Variants in ABCA12 observed in about 807,000 individuals in gnomAD.
The protein encoded by ABCA12 is glucosylceramide transporter ABCA12.
In ABCA12, 156 loss-of-function variants were observed where a neutral mutation model predicts 293.5. The observed-to-expected ratio is 0.53, with a 90% CI of 0.47 to 0.61. ABCA12 has a LOEUF of 0.61. Ranked by LOEUF, ABCA12 falls within the 20% of genes least tolerant of loss-of-function variation. The pLI is 0.00. For synonymous variants in ABCA12, 1,063 were observed against 1,108.0 expected, an observed-to-expected ratio of 0.96 and a Z score of 0.81; for missense variants, 2,797 against 3,090.2, an observed-to-expected ratio of 0.91 and a Z score of 2.25.
chr2:215,012,108 G>T lies in ABCA12; in HGVS notation c.1984C>A (p.Pro662Thr). Residue 662 changes from proline (P) to threonine (T), a missense_variant, in exon 16 of 53, where the codon CCA becomes ACA. Physicochemically the swap from Pro to Thr is conservative, Grantham distance 38. Transcript: ENST00000272895. ...AAGAGCTCCATCATCTTTTCTACTG[G>T]CTTTTGATCTTTCCTCGGGAAAAAC... ...KVFFPRKDQKPVEKMMELFIR... is the reference protein window; with the variant it reads ...KVFFPRKDQKTVEKMMELFIR... The T allele has an allele frequency of 6.2e-7, 1 of 1,613,728 alleles. No individual in the cohort carries two copies. The highest frequency in any genetic ancestry group is 8.5e-7 in the Non-Finnish European group (1 of 1,179,838).
intron 50 of ABCA12, 112 bp from the exon 51 acceptor site, chr2:214,937,727 T>A (rs1698264905): frequency 2.7e-6 from 2 of 752,846 alleles, no homozygotes; most frequent in East Asian, 5.6e-5. Flanking sequence ...CACCTTTTCT[T>A]TATATGAAGA....
At chr2:215,100,183 T>C (rs1182156901) in intron 2 of ABCA12, among the ~76,000 whole-genome samples, 1 of 151,978 alleles carries the variant, frequency 6.6e-6, no homozygotes, top group African/African-American at 2.4e-5. Context: ...TGTGACTAAT[T>C]TTTTATTTTT....
At chr2:215,024,870 A>G (rs1420118363) in intron 11 of ABCA12, among the ~76,000 whole-genome samples, 1 of 152,190 alleles carries the variant, frequency 6.6e-6, no homozygotes, top group Non-Finnish European at 1.5e-5. Flanking sequence ...CCTGTATACT[A>G]TATGCATGAG....
At chr2:215,076,407 T>A (rs1256681167) in intron 2 of ABCA12, among the ~76,000 whole-genome samples, 1 of 152,198 alleles carries the variant, frequency 6.6e-6, no homozygotes. Flanking sequence ...TTGCTTTTTC[T>A]AAGAAAAAGT....
intron 1 of ABCA12, among the ~76,000 whole-genome samples, chr2:215,112,462 T>C (rs1702592817): frequency 1.3e-5 from 2 of 150,490 alleles, no homozygotes; most frequent in African/African-American, 4.9e-5. Flanking sequence ...ACATACTGCA[T>C]TGAAATTTCT....
intron 1 of ABCA12, among the ~76,000 whole-genome samples, chr2:215,126,640 T>G (rs1353477471): frequency 2.0e-5 from 3 of 152,132 alleles, no homozygotes; most frequent in Non-Finnish European, 4.4e-5. Context: ...TGGTGTCAGT[T>G]GTATTATCTC....
chr2:215,116,188 T>A (rs1702682560), intron 1 of ABCA12, among the ~76,000 whole-genome samples: 1 of 152,250 alleles, frequency 6.6e-6, no homozygotes, highest in African/African-American at 2.4e-5. Context: ...ATTTATTTTT[T>A]ACTTTCTGGT....
intron 2 of ABCA12, among the ~76,000 whole-genome samples, chr2:215,081,375 T>G (rs13004731): frequency 0.98 from 148,796 of 151,636 alleles, 73,040 homozygotes; most frequent in East Asian, 1. Context: ...CTACTCTGGG[T>G]GCTGAGGCAG....
At chr2:214,987,850 T>A in intron 26 of ABCA12, 57 bp from the exon 27 acceptor site, 2 of 1,586,928 alleles carry the variant, frequency 1.3e-6, no homozygotes, top group Non-Finnish European at 1.7e-6. Context: ...ACATTTATCA[T>A]CAGAAACAAA....
At position 214,932,776 on chromosome 2, in the gene ABCA12, T is replaced by C. The variant is rs1191294895; in HGVS notation, c.7681-35A>G. ...CAGGGAAAATAAAGCCATTAATGCC[T>C]GGTAAGCCAAAGGAAAAAATAAAGT... On this transcript the variant is annotated intron_variant, in intron 52 of 52. Transcript: ENST00000272895. 4 of 1,477,228 alleles carry C rather than the reference T, an allele frequency of 2.7e-6. No homozygotes were observed. In the South Asian group the frequency reaches 3.4e-5, roughly 13 times the overall value. 91.5% of individuals were successfully genotyped at this position (1,477,228 alleles called of 1,614,324 possible).
intron 7 of ABCA12, among the ~76,000 whole-genome samples, chr2:215,043,207 A>T (rs1342560947): frequency 6.6e-6 from 1 of 152,090 alleles, no homozygotes; most frequent in Non-Finnish European, 1.5e-5. Context: ...TTGGCCATTT[A>T]TATGTGTTAT....
intron 23 of ABCA12, among the ~76,000 whole-genome samples, chr2:214,991,517 C>T (rs778549137): frequency 2.4e-4 from 36 of 152,000 alleles, no homozygotes; most frequent in Admixed American, 3.9e-4. Flanking sequence ...ACAACACAAT[C>T]AGTATTGATG....
At chr2:215,110,412 A>G (rs965801041) in intron 2 of ABCA12, among the ~76,000 whole-genome samples, 2 of 152,136 alleles carry the variant, frequency 1.3e-5, no homozygotes, top group South Asian at 2.1e-4. Context: ...TCAGGAGGCT[A>G]AGGCAGGAGA....
At position 214,947,421 on chromosome 2, in the gene ABCA12, C is replaced by T; in HGVS notation, c.7239+1G>A. On this transcript the variant is annotated splice_donor_variant, in intron 48 of 52. Transcript: ENST00000272895. LOFTEE classifies it high-confidence loss of function. Reference sequence around the variant, plus strand: ...GCCTGTTTAAATAATGATTCTCTTACCAGCAGTAGAATGGAAGGTTTCCCT... The same window carrying T: ...GCCTGTTTAAATAATGATTCTCTTATCAGCAGTAGAATGGAAGGTTTCCCT... 1 of 1,613,788 alleles carries T rather than the reference C, an allele frequency of 6.2e-7. No individual in the cohort carries two copies. Among genetic ancestry groups the T allele is most frequent in the Non-Finnish European group, 8.5e-7 (1 of 1,179,764 alleles).
intron 39 of ABCA12, chr2:214,962,488 ACTT>A (rs1699141447): frequency 6.6e-6 from 1 of 152,106 alleles, no homozygotes; most frequent in Non-Finnish European, 1.5e-5. Flanking sequence ...CAGGTATAGA[ACTT>A]CTTAGTATAA....
At chr2:215,131,724 G>C (rs1703062677) in intron 1 of ABCA12, among the ~76,000 whole-genome samples, 1 of 33,518 alleles carries the variant, frequency 3.0e-5, no homozygotes, top group African/African-American at 7.9e-5. Flanking sequence ...TTTTTTTTTG[G>C]CCTGAATCTC....
intron 2 of ABCA12, among the ~76,000 whole-genome samples, chr2:215,111,382 C>T (rs1702566877): frequency 6.6e-6 from 1 of 152,174 alleles, no homozygotes; most frequent in Non-Finnish European, 1.5e-5. Flanking sequence ...CTGGCTTCTA[C>T]AAGCTTCATA....
intron 7 of ABCA12, chr2:215,042,486 A>G (rs1346921310): frequency 6.6e-6 from 1 of 151,966 alleles, no homozygotes; most frequent in African/African-American, 2.4e-5. Context: ...GACTCAAGCA[A>G]TTTTCTCATG....
In ABCA12 at chr2:215,049,774, C is replaced by G. The variant is rs1701281536; in HGVS notation, c.545G>C (p.Arg182Thr). 6.2e-7 allele frequency: 1 copy of G among 1,613,414 alleles called. No individual in the cohort carries two copies. The highest frequency in any genetic ancestry group is 1.7e-5 in the Admixed American group (1 of 59,954). The change falls in exon 6 of 53, where the codon AGA becomes ACA. Residue 182 changes from arginine (R) to threonine (T), a missense_variant. By Grantham distance (71) the Arg-to-Thr change is moderately conservative. Transcript: ENST00000272895. Reference protein sequence around the residue: ...KQNSTSEDIRRELCDSYSGYI... With the variant: ...KQNSTSEDIRTELCDSYSGYI... ...TCCTGAATAGCTGTCACATAGTTCT[C>G]TTCGTATATCTTCTGAAGTTGAATT...
Sources: gnomAD v4.1 joint callset for allele counts (sites outside exome capture counted in the v4.1 genomes callset) on GRCh38, gnomAD v4.1.1 for gene constraint, MANE v1.5 for transcripts, NCBI Gene and HGNC (gene_info 2026-07-23, HGNC 2026-07-21) for gene names.